The following SH3RF2 variants were observed in gnomAD, a reference collection of about 807,000 sequenced individuals.
SH3RF2 encodes the protein SH3 domain containing ring finger 2.
SH3RF2 carries 43 observed loss-of-function variants against 59.0 expected under a neutral mutation model. The ratio of observed to expected loss-of-function variants is 0.73; its 90% CI spans 0.57 to 0.94. SH3RF2 has a LOEUF of 0.94. Ranked by LOEUF, SH3RF2 falls within the 40% of genes least tolerant of loss-of-function variation. The pLI is 0.00. For synonymous variants in SH3RF2, 391 were observed against 391.5 expected, an observed-to-expected ratio of 1.00 and a Z score of 0.01; for missense variants, 930 against 940.1, an observed-to-expected ratio of 0.99 and a Z score of 0.14.
chr5:146,044,732 G>A (rs1463420128), intron 5 of SH3RF2, among the ~76,000 whole-genome samples: 1 of 151,878 alleles, frequency 6.6e-6, no homozygotes, highest in Non-Finnish European at 1.5e-5. Flanking sequence ...CATTCTCAGG[G>A]TCTTCCACTA....
intron 7 of SH3RF2, among the ~76,000 whole-genome samples, chr5:146,052,830 CTAT>C (rs1237923858): frequency 6.6e-6 from 1 of 152,022 alleles, no homozygotes; most frequent in East Asian, 1.9e-4. Context: ...TGAGTTCCTA[CTAT>C]TATTATTAGC....
At chr5:146,032,278 G>A (rs1318358421) in intron 5 of SH3RF2, among the ~76,000 whole-genome samples, 1 of 152,138 alleles carries the variant, frequency 6.6e-6, no homozygotes, top group Non-Finnish European at 1.5e-5. Flanking sequence ...TCTTGAACCA[G>A]CTACCAAGAC....
intron 2 of SH3RF2, among the ~76,000 whole-genome samples, chr5:145,965,705 T>C (rs530249765): frequency 1.2e-4 from 19 of 152,284 alleles, no homozygotes; most frequent in African/African-American, 4.1e-4. Flanking sequence ...AGCCACCATA[T>C]GCCAGCCAGC....
intron 5 of SH3RF2, among the ~76,000 whole-genome samples, chr5:146,028,584 T>C (rs1157776970): frequency 7.2e-6 from 1 of 138,372 alleles, no homozygotes; most frequent in Non-Finnish European, 1.7e-5. Flanking sequence ...TACCCACTGA[T>C]GCCTGTAGCA....
At chr5:146,059,647 C>G (rs1033294762) in intron 8 of SH3RF2, among the ~76,000 whole-genome samples, 1 of 152,066 alleles carries the variant, frequency 6.6e-6, no homozygotes, top group Non-Finnish European at 1.5e-5. Flanking sequence ...CACACTCACA[C>G]ACACCATTCA....
rs138966950 is a variant in SH3RF2, at chr5:146,000,248, C to G, written c.569C>G (p.Pro190Arg). ...ATCAAGCAGCTGCCCCAGCCGCCCC[C>G]GCTCTGCAGGGCCCTCTACAACTTC... ...EVIKQLPQPP[P>R]LCRALYNFDL... Residue 190 changes from proline to arginine, a missense_variant, in exon 3 of 10, where the codon CCG becomes CGG. Coordinates refer to ENST00000359120, the MANE Select transcript of SH3RF2 (RefSeq NM_152550.4). 9 of 1,613,898 alleles carry G rather than the reference C, an allele frequency of 5.6e-6. No individual in the cohort carries two copies. In the East Asian group the frequency reaches 1.6e-4, roughly 28 times the overall value.
intron 2 of SH3RF2, among the ~76,000 whole-genome samples, chr5:145,958,787 TCA>T (rs1442951669): frequency 6.6e-6 from 1 of 152,156 alleles, no homozygotes; most frequent in Non-Finnish European, 1.5e-5. Flanking sequence ...GCCATTGTAA[TCA>T]GTTTGCTGGG....
chr5:146,052,009 AGAACTGACAGT>A (rs1247859997), intron 7 of SH3RF2, among the ~76,000 whole-genome samples: 6 of 152,188 alleles, frequency 3.9e-5, no homozygotes, highest in Non-Finnish European at 5.9e-5. Context: ...GAAATGGCCT[AGAACTGACAGT>A]GAGGAGCAAG....
chr5:146,050,247 G>A (rs1049445460), intron 7 of SH3RF2: 8 of 152,256 alleles, frequency 5.3e-5, no homozygotes, highest in Non-Finnish European at 1.0e-4. Flanking sequence ...CAGTAAATTT[G>A]TTCTGAGAGG....
intron 5 of SH3RF2, among the ~76,000 whole-genome samples, chr5:146,037,436 G>A (rs1431885938): frequency 6.6e-6 from 1 of 152,110 alleles, no homozygotes; most frequent in African/African-American, 2.4e-5. Flanking sequence ...TAAGGCACTG[G>A]GACTCTCGGG....
rs750353445 is a variant in SH3RF2, at chr5:146,047,807, A to C, written c.1095A>C (p.Gly365=). The change falls in exon 6 of 10, where the codon GGA becomes GGC. Residue 365 remains glycine (G), a synonymous_variant. Transcript: ENST00000359120. ...STYHPAPVSP[G]HSTAVVSLPG... ...ATCACCCCGCACCTGTCTCTCCAGG[A>C]CATTCCACAGCCGTGGTCAGTCTGC... 2 of 1,614,120 alleles carry C rather than the reference A, an allele frequency of 1.2e-6. No homozygotes were observed. The highest frequency in any genetic ancestry group is 1.7e-6 in the Non-Finnish European group (2 of 1,180,034).
intron 7 of SH3RF2, among the ~76,000 whole-genome samples, chr5:146,054,776 G>A (rs1286710968): frequency 6.6e-6 from 1 of 152,240 alleles, no homozygotes; most frequent in East Asian, 1.9e-4. Context: ...AAGACAAAGA[G>A]AGAGAGGAGA....
intron 5 of SH3RF2, among the ~76,000 whole-genome samples, chr5:146,034,758 G>A (rs7730793): frequency 0.048 from 7,242 of 152,204 alleles, 569 homozygotes; most frequent in African/African-American, 0.17. Flanking sequence ...GAGCATTGGA[G>A]CCTAGGTTTC....
intron 5 of SH3RF2, among the ~76,000 whole-genome samples, chr5:146,020,803 A>G (rs1761290906): frequency 6.6e-6 from 1 of 152,148 alleles, no homozygotes; most frequent in Non-Finnish European, 1.5e-5. Context: ...AGAGAGAGAG[A>G]AAAAGGTGGG....
intron 5 of SH3RF2, among the ~76,000 whole-genome samples, chr5:146,033,308 C>CT (rs1561753399): frequency 6.6e-6 from 1 of 152,082 alleles, no homozygotes; most frequent in Non-Finnish European, 1.5e-5. Flanking sequence ...AAGGAGTATG[C>CT]TTTCTTTTCA....
At chr5:146,073,589 C>T (rs1343257481) in intron 9 of SH3RF2, among the ~76,000 whole-genome samples, 1 of 152,226 alleles carries the variant, frequency 6.6e-6, no homozygotes, top group African/African-American at 2.4e-5. Context: ...GCTCCCACTC[C>T]ATCTCCATTT....
chr5:145,966,563 G>A (rs1014814326), intron 2 of SH3RF2, among the ~76,000 whole-genome samples: 1 of 152,152 alleles, frequency 6.6e-6, no homozygotes, highest in African/African-American at 2.4e-5. Context: ...CCAAGACAGG[G>A]GTTCTAGTTC....
chr5:146,032,867 C>G lies in SH3RF2; in HGVS notation c.1060-14905C>G, dbSNP rs573978278. On this transcript the variant is annotated intron_variant, in intron 5 of 9. Transcript: ENST00000359120. ...GGCACAGGGAGCTAAAGAAGCCCTT[C>G]TCTGAGAATCCCAGCCCTCACCGAC... is the stretch of plus-strand genomic sequence containing the variant. Among the ~76,000 whole-genome samples the G allele has an allele frequency of 4.6e-5, 7 of 152,334 alleles. No homozygotes were observed. In the East Asian group the frequency reaches 1.4e-3, roughly 29 times the overall value.
At chr5:146,048,662 T>G (rs1762387139) in intron 6 of SH3RF2, among the ~76,000 whole-genome samples, 1 of 152,196 alleles carries the variant, frequency 6.6e-6, no homozygotes, top group African/African-American at 2.4e-5. Flanking sequence ...CATATACTGG[T>G]GATCCCTGAA....
Sources: allele counts gnomAD v4.1 joint callset (sites outside exome capture counted in the v4.1 genomes callset), GRCh38; gene constraint gnomAD v4.1.1; transcripts MANE v1.5; gene names NCBI Gene and HGNC (gene_info 2026-07-23, HGNC 2026-07-21).